The following SDC2 variants were observed in gnomAD, a reference collection of about 807,000 sequenced individuals.
SDC2 encodes the protein syndecan 2.
In SDC2, 13 loss-of-function variants were observed where a neutral mutation model predicts 22.2. The ratio of observed to expected loss-of-function variants is 0.59; its 90% CI spans 0.38 to 0.93. The LOEUF (loss-of-function observed/expected upper bound fraction) is 0.93. SDC2 is among the 40% of genes least tolerant of loss of function. SDC2 has a pLI of 0.00. For synonymous variants in SDC2, 94 were observed against 92.8 expected, an observed-to-expected ratio of 1.01 and a Z score of -0.07; for missense variants, 235 against 246.8, an observed-to-expected ratio of 0.95 and a Z score of 0.32.
intron 1 of SDC2, among the ~76,000 whole-genome samples, chr8:96,523,609 A>T (rs551873375): frequency 6.6e-6 from 1 of 152,318 alleles, no homozygotes; most frequent in South Asian, 2.1e-4. Flanking sequence ...TGGCTGTGGG[A>T]CTGCTATTAT....
intron 1 of SDC2, among the ~76,000 whole-genome samples, chr8:96,558,285 G>C (rs1437763436): frequency 6.6e-6 from 1 of 152,074 alleles, no homozygotes; most frequent in Non-Finnish European, 1.5e-5. Flanking sequence ...GGGGGTTCTG[G>C]CTCAGAGTTT....
intron 1 of SDC2, among the ~76,000 whole-genome samples, chr8:96,520,825 T>C (rs1252483942): frequency 6.6e-6 from 1 of 152,174 alleles, no homozygotes; most frequent in Non-Finnish European, 1.5e-5. Context: ...TTAACCCTTG[T>C]GCCCCTGGGG....
chr8:96,522,975 T>C (rs1052143839), intron 1 of SDC2, among the ~76,000 whole-genome samples: 2 of 152,194 alleles, frequency 1.3e-5, no homozygotes, highest in African/African-American at 2.4e-5. Flanking sequence ...AATTTTTCCT[T>C]TTCACTGCTT....
At chr8:96,541,548 A>ATGAACTT (rs142580840) in intron 1 of SDC2, among the ~76,000 whole-genome samples, 4,348 of 151,074 alleles carry the variant, frequency 0.029, 204 homozygotes, top group African/African-American at 0.099. Context: ...TACAACACGG[A>ATGAACTT]TGAACTTTGA....
At chr8:96,530,606 C>T (rs903844228) in intron 1 of SDC2, among the ~76,000 whole-genome samples, 2 of 152,110 alleles carry the variant, frequency 1.3e-5, no homozygotes, top group African/African-American at 4.8e-5. Flanking sequence ...TGCACTCTGG[C>T]CTGGGAGACA....
intron 1 of SDC2, among the ~76,000 whole-genome samples, chr8:96,558,335 T>C (rs1441478274): frequency 6.6e-6 from 1 of 152,116 alleles, no homozygotes; most frequent in African/African-American, 2.4e-5. Flanking sequence ...AGTTGGCTTA[T>C]GGTGTTTTGT....
At chr8:96,551,612 A>T (rs1380972206) in intron 1 of SDC2, among the ~76,000 whole-genome samples, 1 of 152,194 alleles carries the variant, frequency 6.6e-6, no homozygotes, top group Non-Finnish European at 1.5e-5. Context: ...CTCACCTGTC[A>T]TGCCTCTCAT....
At chr8:96,605,018 T>G (rs1815054042) in intron 3 of SDC2, among the ~76,000 whole-genome samples, 1 of 152,224 alleles carries the variant, frequency 6.6e-6, no homozygotes, top group South Asian at 2.1e-4. Context: ...TCCAGTTCTG[T>G]GGAGTCCTTC....
chr8:96,587,965 G>A (rs1250662129), intron 1 of SDC2, among the ~76,000 whole-genome samples: 4 of 152,076 alleles, frequency 2.6e-5, no homozygotes, highest in Non-Finnish European at 5.9e-5. Context: ...CTCCTGGGTA[G>A]GCCCTGGAGA....
intron 1 of SDC2, among the ~76,000 whole-genome samples, chr8:96,549,499 G>T (rs1813991119): frequency 6.6e-6 from 1 of 152,162 alleles, no homozygotes; most frequent in African/African-American, 2.4e-5. Flanking sequence ...TTGGAAATGA[G>T]CAGTCTCTGA....
At chr8:96,576,286 T>C (rs1230130566) in intron 1 of SDC2, among the ~76,000 whole-genome samples, 2 of 151,358 alleles carry the variant, frequency 1.3e-5, no homozygotes, top group Admixed American at 6.6e-5. Context: ...CTTCCAACTT[T>C]TAAATTATGA....
At chr8:96,592,233 C>G (rs1003900235) in intron 1 of SDC2, among the ~76,000 whole-genome samples, 2 of 152,192 alleles carry the variant, frequency 1.3e-5, no homozygotes, top group East Asian at 3.8e-4. Flanking sequence ...AGTGCTTTAG[C>G]CTTGCTAGCC....
At chr8:96,579,513 A>G (rs976386189) in intron 1 of SDC2, among the ~76,000 whole-genome samples, 2 of 152,254 alleles carry the variant, frequency 1.3e-5, no homozygotes, top group Non-Finnish European at 2.9e-5. Context: ...TTCAGTCAGG[A>G]TGTGACCACT....
chr8:96,606,462 T>C (rs1815081902), intron 3 of SDC2, among the ~76,000 whole-genome samples: 1 of 152,188 alleles, frequency 6.6e-6, no homozygotes, highest in Non-Finnish European at 1.5e-5. Flanking sequence ...ATGGGACTTC[T>C]CTAATCCACT....
chr8:96,583,239 A>T (rs1814620424), intron 1 of SDC2, among the ~76,000 whole-genome samples: 1 of 136,234 alleles, frequency 7.3e-6, no homozygotes, highest in African/African-American at 2.8e-5. Flanking sequence ...AGCATGAGTC[A>T]CTGCACCCAG....
rs1339779495 is a variant in SDC2, at chr8:96,532,417, T to TTTTTTTG, written c.60+38092_60+38093insGTTTTTT. ...GTCTCTCTGCTTATTGAGGCGTTTT[T>TTTTTTTG]TTTTTTTTTTTTTTTTTTGGTAGGG... On this transcript the variant is annotated intron_variant, in intron 1 of 4. Coordinates refer to ENST00000302190, the MANE Select transcript of SDC2 (RefSeq NM_002998.4). 4.9e-4 allele frequency among the ~76,000 whole-genome samples: 69 copies of TTTTTTTG among 141,754 alleles called. 2 individuals carry two copies. The highest frequency in any genetic ancestry group is 1.8e-3 in the African/African-American group (68 of 38,088). 93.0% of individuals were successfully genotyped at this position (141,754 alleles called of 152,430 possible). A position where few individuals can be genotyped will look rare whatever the true frequency, so the allele number is the denominator to read the frequency against.
At chr8:96,510,914 A>G (rs1334476997) in intron 1 of SDC2, among the ~76,000 whole-genome samples, 1 of 152,184 alleles carries the variant, frequency 6.6e-6, no homozygotes, top group Non-Finnish European at 1.5e-5. Flanking sequence ...CAGAGCATTC[A>G]TGTAATACAA....
chr8:96,523,296 T>C (rs183462218), intron 1 of SDC2, among the ~76,000 whole-genome samples: 32 of 152,334 alleles, frequency 2.1e-4, no homozygotes, highest in Admixed American at 2.0e-3. Context: ...AGTTAAACTT[T>C]TGTACTGTGG....
intron 4 of SDC2, 70 bp from the exon 5 acceptor site, chr8:96,609,315 C>T: frequency 7.8e-7 from 1 of 1,283,428 alleles, no homozygotes; most frequent in Non-Finnish European, 1.1e-6. Flanking sequence ...GTAGATTAGG[C>T]TTGACAATAA....
Sources: allele counts gnomAD v4.1 joint callset (sites outside exome capture counted in the v4.1 genomes callset), GRCh38; gene constraint gnomAD v4.1.1; transcripts MANE v1.5; gene names NCBI Gene and HGNC (gene_info 2026-07-23, HGNC 2026-07-21).